The following DLG3 variants were observed in gnomAD, a reference collection of about 807,000 sequenced individuals.
DLG3 encodes discs large MAGUK scaffold protein 3.
DLG3 carries 1 observed loss-of-function variant against 64.1 expected under a neutral mutation model. That is an observed-to-expected ratio of 0.02 (90% confidence interval 0.01 to 0.07). The LOEUF (loss-of-function observed/expected upper bound fraction) is 0.07, where lower values mean the gene tolerates loss of function less well. Among genes scored for constraint, DLG3 ranks in the 10% least tolerant of loss-of-function variants. DLG3 has a pLI of 1.00. For missense variants in DLG3, 429 were observed against 669.5 expected, an observed-to-expected ratio of 0.64 and a Z score of 3.96; for synonymous variants, 245 against 259.8, an observed-to-expected ratio of 0.94 and a Z score of 0.55.
intron 9 of DLG3, among the ~76,000 whole-genome samples, chrX:70,461,768 C>T (rs1268712953): frequency 9.0e-6 from 1 of 110,953 alleles, no homozygotes; most frequent in Non-Finnish European, 1.9e-5. Context: ...CCATGTTGGC[C>T]AGGCTGGTCT....
intron 3 of DLG3, 102 bp downstream of exon 3, chrX:70,449,585 C>A: frequency 2.4e-5 from 2 of 84,800 alleles, no homozygotes; most frequent in Non-Finnish European, 4.9e-5. Context: ...GATCTGAGGG[C>A]GGGGTGGGAG....
chrX:70,498,191 A>G (rs2087490011), intron 13 of DLG3, among the ~76,000 whole-genome samples: 1 of 112,707 alleles, frequency 8.9e-6, no homozygotes, highest in South Asian at 3.7e-4. Flanking sequence ...CATTCTTACC[A>G]GAGCAAGGGG....
At chrX:70,494,138 T>C (rs147847012) in intron 12 of DLG3, among the ~76,000 whole-genome samples, 247 of 112,647 alleles carry the variant, frequency 2.2e-3, no homozygotes, top group African/African-American at 7.6e-3. Flanking sequence ...TAAAGATCTA[T>C]TGAGAAACAC....
Position 70,453,775 on chromosome X carries a change from G to A in DLG3, c.1284G>A (p.Arg428=), listed in dbSNP as rs763950313. The change falls in exon 8 of 19, where the codon AGG becomes AGA. Residue 428 remains arginine (R), a synonymous_variant. Coordinates refer to ENST00000374360, the MANE Select transcript of DLG3 (RefSeq NM_021120.4). ...GPADLSGELR[R]GDRILSVNGV... ...CTGACCTGAGTGGGGAGCTGCGCAG[G>A]GGAGACCGGATCTTATCGGTGAGGA... 1.4e-5 allele frequency: 17 copies of A among 1,198,223 alleles called. No individual in the cohort carries two copies. The highest frequency in any genetic ancestry group is 2.3e-4 in the Middle Eastern group (1 of 4,313).
rs748517193 is a variant in DLG3 at position 70,449,003 on chromosome X, G to A, written c.408+40G>A. ...GGGGAAAAGCGGAAAGGGAAGGAGA[G>A]GGTTGGAGCCAGGATAAGGGAGACC... On this transcript the variant is annotated intron_variant, in intron 2 of 18. Coordinates refer to ENST00000374360, the MANE Select transcript of DLG3 (RefSeq NM_021120.4). The A allele has an allele frequency of 2.4e-5, 28 of 1,181,673 alleles. No individual in the cohort carries two copies. The South Asian group carries it at 5.1e-4, about 22-fold the overall frequency.
rs1169122232 is a variant in DLG3, at chrX:70,492,683, G to A, written c.1773+87G>A. ...TAGTCTGATGTGTAGGAGAACTGGG[G>A]AACACAAAAGAAAATCTCTTTTTCA... is the stretch of plus-strand genomic sequence containing the variant. On this transcript the variant is annotated intron_variant, in intron 12 of 18. Coordinates refer to ENST00000374360, the MANE Select transcript of DLG3 (RefSeq NM_021120.4). 8 of 838,716 alleles carry A rather than the reference G, an allele frequency of 9.5e-6. No homozygotes were observed. The East Asian group carries it at 2.6e-4, about 27-fold the overall frequency. 69.1% of individuals were successfully genotyped at this position (838,716 alleles called of 1,213,427 possible).
At chrX:70,474,612 G>A (rs150325098) in intron 9 of DLG3, among the ~76,000 whole-genome samples, 64 of 111,008 alleles carry the variant, frequency 5.8e-4, no homozygotes, top group African/African-American at 1.9e-3. Flanking sequence ...AGGTGGAACA[G>A]CGTCTTAACT....
At chrX:70,458,873 A>G (rs931216977) in intron 9 of DLG3, among the ~76,000 whole-genome samples, 1 of 112,813 alleles carries the variant, frequency 8.9e-6, no homozygotes, top group Non-Finnish European at 1.9e-5. Context: ...GTTCTTGGAC[A>G]TGTATAATAC....
At chrX:70,457,813 C>T (rs2086739355) in intron 9 of DLG3, among the ~76,000 whole-genome samples, 2 of 110,337 alleles carry the variant, frequency 1.8e-5, no homozygotes, top group Non-Finnish European at 3.8e-5. Context: ...CCTTGTGATC[C>T]GCCCGCCTCG....
chrX:70,459,118 A>G (rs185975857), intron 9 of DLG3, among the ~76,000 whole-genome samples: 1 of 111,996 alleles, frequency 8.9e-6, no homozygotes, highest in East Asian at 2.8e-4. Flanking sequence ...TTGTTTTTAG[A>G]GTAGAAACTG....
chrX:70,473,564 A>T (rs1273681092), intron 9 of DLG3, among the ~76,000 whole-genome samples: 1 of 111,839 alleles, frequency 8.9e-6, no homozygotes, highest in Non-Finnish European at 1.9e-5. Context: ...ACAATGCCTG[A>T]TACACAGTAG....
intron 9 of DLG3, among the ~76,000 whole-genome samples, chrX:70,466,551 G>A (rs965202820): frequency 1.9e-5 from 2 of 107,293 alleles, no homozygotes; most frequent in African/African-American, 3.4e-5. Flanking sequence ...CGATTCTCCT[G>A]CCTCAGCCTC....
Position 70,495,424 on chromosome X carries a change from G to A in DLG3, c.1790G>A (p.Ser597Asn), listed in dbSNP as rs773484485. The change falls in exon 13 of 19, where the codon AGT becomes AAT. Residue 597 changes from serine (S) to asparagine (N), a missense_variant. Coordinates refer to ENST00000374360, the MANE Select transcript of DLG3 (RefSeq NM_021120.4). ...IESNRDFPGL[S>N]DDYYGAKNLK... The stretch of plus-strand genomic sequence containing the variant: ...TGAAATCAGGACTTCCCGGGGTTAA[G>A]TGACGATTATTATGGAGCAAAGAAC... The A allele has an allele frequency of 7.4e-6, 9 of 1,208,472 alleles. No homozygotes were observed. The Admixed American group carries it at 2.0e-4, about 27-fold the overall frequency.
intron 9 of DLG3, among the ~76,000 whole-genome samples, chrX:70,460,607 GACCTT>G (rs775094450): frequency 5.3e-4 from 60 of 112,205 alleles, no homozygotes; most frequent in African/African-American, 1.8e-3. Context: ...CATTTTTTAT[GACCTT>G]ACGATTCATT....
At chrX:70,462,148 G>A (rs868260656) in intron 9 of DLG3, among the ~76,000 whole-genome samples, 15 of 104,343 alleles carry the variant, frequency 1.4e-4, no homozygotes, top group Non-Finnish European at 1.9e-4. Context: ...GCAGTATGTG[G>A]CCTTTTGTGT....
In DLG3 at chrX:70,500,033, G is replaced by A; in HGVS notation, c.2129G>A (p.Arg710Gln). The A allele has an allele frequency of 1.1e-5, 13 of 1,210,569 alleles. No homozygotes were observed. The highest frequency in any genetic ancestry group is 3.0e-5 in the East Asian group (1 of 33,820). ...TATGGGACCAGCATCCAGTCAGTGC[G>A]GGCAGTTGCAGAGAGGGTAAGTGTA... is the stretch of plus-strand genomic sequence containing the variant. ...NLYGTSIQSV[R>Q]AVAERGKHCI... Residue 710 changes from arginine (R) to glutamine (Q), a missense_variant, in exon 16 of 19, where the codon CGG becomes CAG. Physicochemically the swap from Arg to Gln is conservative, Grantham distance 43. Coordinates refer to ENST00000374360, the MANE Select transcript of DLG3 (RefSeq NM_021120.4).
chrX:70,462,824 G>C (rs1411164347), intron 9 of DLG3, among the ~76,000 whole-genome samples: 2 of 111,562 alleles, frequency 1.8e-5, no homozygotes, highest in Non-Finnish European at 3.8e-5. Flanking sequence ...TTTAAAAGTA[G>C]CTACACCCTT....
In DLG3 at chrX:70,468,525, A is replaced by G. The variant is rs114112779; in HGVS notation, c.1406-10625A>G. On this transcript the variant is annotated intron_variant, in intron 9 of 18. Coordinates refer to ENST00000374360, the MANE Select transcript of DLG3 (RefSeq NM_021120.4). ...TGTTTTCTTCTCAGTATCCTTCAGG[A>G]TGGTATCCAGAACCCTGGCTATGTG... 7.1e-3 allele frequency among the ~76,000 whole-genome samples: 793 copies of G among 111,438 alleles called. 5 individuals are homozygous for G. The highest frequency in any genetic ancestry group is 0.024 in the African/African-American group (748 of 30,629).
At chrX:70,483,381 G>C (rs781696718) in intron 10 of DLG3, among the ~76,000 whole-genome samples, 2 of 113,124 alleles carry the variant, frequency 1.8e-5, no homozygotes, top group Non-Finnish European at 3.7e-5. Context: ...ACAGTTGCAG[G>C]GTATATTCAA....
Sources: allele counts gnomAD v4.1 joint callset (sites outside exome capture counted in the v4.1 genomes callset), GRCh38; gene constraint gnomAD v4.1.1; transcripts MANE v1.5; gene names NCBI Gene and HGNC (gene_info 2026-07-23, HGNC 2026-07-21).